UCHL1: variants seen among roughly 807,000 people sequenced by gnomAD.
UCHL1 encodes ubiquitin carboxyl-terminal hydrolase isozyme L1.
A neutral mutation model predicts 33.3 loss-of-function variants in UCHL1; 5 were observed. The ratio of observed to expected loss-of-function variants is 0.15; its 90% CI spans 0.08 to 0.32. The LOEUF (loss-of-function observed/expected upper bound fraction) is 0.32. UCHL1 is among the 10% of genes least tolerant of loss of function. The probability of loss-of-function intolerance (pLI) is 1.00; values close to 1 mark genes in which losing one functional copy is unlikely to be tolerated. For synonymous variants in UCHL1, 132 were observed against 108.8 expected (o/e 1.21, Z -1.33); for missense variants, 236 against 280.0 (o/e 0.84, Z 1.12).
intron 8 of UCHL1, among the ~76,000 whole-genome samples, chr4:41,266,334 G>C (rs146202222): frequency 6.6e-6 from 1 of 151,394 alleles, no homozygotes; most frequent in Admixed American, 6.6e-5. Flanking sequence ...CCTAAGTAAG[G>C]CTGGTTCTAT....
chr4:41,261,624 T>C (rs1223557461), intron 4 of UCHL1, 91 bp from the exon 5 acceptor site: 1 of 1,394,154 alleles, frequency 7.2e-7, no homozygotes, highest in African/African-American at 1.4e-5. Context: ...TTCAGGTTGC[T>C]CAGCATGTTC....
At chr4:41,257,032 C>T (rs1780985544) in intron 1 of UCHL1, 23 bp downstream of exon 1, 7 of 1,614,088 alleles carry the variant, frequency 4.3e-6, no homozygotes, top group East Asian at 2.2e-5. Context: ...TGCACCGCTA[C>T]CCGGAGAGCG....
At chr4:41,260,434 G>C (rs1371814486) in intron 3 of UCHL1, among the ~76,000 whole-genome samples, 7 of 152,200 alleles carry the variant, frequency 4.6e-5, no homozygotes. Flanking sequence ...CACCAGGGTG[G>C]AGTCTCCGAA....
intron 8 of UCHL1, among the ~76,000 whole-genome samples, chr4:41,265,572 C>CT (rs1781138672): frequency 6.7e-6 from 1 of 148,692 alleles, no homozygotes; most frequent in South Asian, 2.2e-4. Flanking sequence ...GAGCAAGACT[C>CT]TGTCTCAGAA....
rs1225040436 is a variant in UCHL1 at position 41,264,142 on chromosome 4, C to T, written c.566C>T (p.Ser189Leu). 24 of 1,614,212 alleles carry T rather than the reference C, an allele frequency of 1.5e-5. No individual in the cohort carries two copies. The highest frequency in any genetic ancestry group is 1.8e-5 in the Non-Finnish European group (21 of 1,180,034). The change falls in exon 8 of 9, where the codon TCA becomes TTA. Residue 189 changes from serine to leucine, a missense_variant. Coordinates refer to ENST00000284440, the MANE Select transcript of UCHL1 (RefSeq NM_004181.5). ...TTTCCGGTGAACCATGGCGCCAGTT[C>T]AGAGGACACCCTGCTGAAGGTCATC... is the stretch of plus-strand genomic sequence containing the variant. ...MPFPVNHGAS[S>L]EDTLLKDAAK...
At chr4:41,266,247 T>TTTA (rs1781152382) in intron 8 of UCHL1, among the ~76,000 whole-genome samples, 6 of 143,604 alleles carry the variant, frequency 4.2e-5, no homozygotes, top group African/African-American at 1.5e-4. Context: ...TTTTTTTTTT[T>TTTA]AACTTTTCTA....
At position 41,265,044 on chromosome 4, in the gene UCHL1, A is replaced by G. The variant is rs540826254; in HGVS notation, c.585+883A>G. Among the ~76,000 whole-genome samples the G allele has an allele frequency of 2.0e-5, 3 of 152,338 alleles. No individual in the cohort carries two copies. In the East Asian group the frequency reaches 5.8e-4, roughly 29 times the overall value. On this transcript the variant is annotated intron_variant, in intron 8 of 8. Coordinates refer to ENST00000284440, the MANE Select transcript of UCHL1 (RefSeq NM_004181.5). ...TTCAGTTCTGCTGTTACAACTCAGC[A>G]GCCCATAGACACTCTCTAAATGAAT...
intron 8 of UCHL1, 73 bp downstream of exon 8, chr4:41,264,234 A>G: frequency 6.3e-7 from 1 of 1,586,092 alleles, no homozygotes; most frequent in Non-Finnish European, 8.7e-7. Context: ...CTAAAGTGCT[A>G]ACACTCTTCC....
chr4:41,260,838 T>C, intron 4 of UCHL1, 41 bp downstream of exon 4: 3 of 1,613,918 alleles, frequency 1.9e-6, no homozygotes, highest in Middle Eastern at 1.7e-4. Flanking sequence ...AAGCTTGAAC[T>C]TGAAACATGG....
At chr4:41,257,849 C>A in intron 3 of UCHL1, 112 bp downstream of exon 3, 1 of 1,429,008 alleles carries the variant, frequency 7.0e-7, no homozygotes, top group Non-Finnish European at 9.2e-7. Context: ...ATGCGGGGCG[C>A]GCCTACAAGG....
At chr4:41,265,836 G>T (rs1311622260) in intron 8 of UCHL1, among the ~76,000 whole-genome samples, 1 of 152,192 alleles carries the variant, frequency 6.6e-6, no homozygotes, top group Non-Finnish European at 1.5e-5. Flanking sequence ...ATGGAATGAA[G>T]AATAGACCTG....
rs190109821 is a variant in UCHL1, at chr4:41,264,065, T to C, written c.527-38T>C. 1,362 of 1,614,068 alleles carry C rather than the reference T, an allele frequency of 8.4e-4. 1 individual carries two copies. Among genetic ancestry groups the C allele is most frequent in the Non-Finnish European group, 1.1e-3 (1,298 of 1,179,906 alleles). ...AGGTAAGCACGGTAGCCAGAAAACA[T>C]GCAGAGAAAATTGACATGCCTGGCT... On this transcript the variant is annotated intron_variant, in intron 7 of 8. Transcript: ENST00000284440.
At chr4:41,260,606 A>G in intron 3 of UCHL1, 41 bp from the exon 4 acceptor site, 2 of 1,611,458 alleles carry the variant, frequency 1.2e-6, no homozygotes, top group Non-Finnish European at 1.7e-6. Flanking sequence ...TGTTCTTTGC[A>G]CTTTCATTCT....
At position 41,268,188 on chromosome 4, in the gene UCHL1, T is replaced by TA. The variant is rs1781184899; in HGVS notation, c.*115_*116insA. 1 of 1,025,880 alleles carries TA rather than the reference T, an allele frequency of 9.7e-7. No homozygotes were observed. Among genetic ancestry groups the TA allele is most frequent in the Non-Finnish European group, 1.5e-6 (1 of 675,954 alleles). 63.5% of individuals were successfully genotyped at this position (1,025,880 alleles called of 1,614,324 possible). ...TTGTGAAACACAGCTGTTCTTCTGT[T>TA]CTGCAGACACGCCTTCCCCTCAGCC... is the stretch of plus-strand genomic sequence containing the variant. On this transcript the variant is annotated 3_prime_UTR_variant, in exon 9 of 9. Coordinates refer to ENST00000284440, the MANE Select transcript of UCHL1 (RefSeq NM_004181.5).
At chr4:41,266,424 A>G (rs1293125167) in intron 8 of UCHL1, among the ~76,000 whole-genome samples, 3 of 152,142 alleles carry the variant, frequency 2.0e-5, no homozygotes, top group Non-Finnish European at 4.4e-5. Flanking sequence ...CTTAACCCAA[A>G]TATCTTAAGC....
rs955125199 is a variant in UCHL1, at chr4:41,263,033, T to C, written c.460-192T>C. ...AAATCCTGTAGTAATAGCATCCTCA[T>C]AGAGTTGTTCTGACAGTTAACAGTA... is the stretch of plus-strand genomic sequence containing the variant. On this transcript the variant is annotated intron_variant, in intron 6 of 8. Coordinates refer to ENST00000284440, the MANE Select transcript of UCHL1 (RefSeq NM_004181.5). Among the ~76,000 whole-genome samples the C allele has an allele frequency of 2.6e-4, 39 of 152,190 alleles. 1 individual carries two copies. The highest frequency in any genetic ancestry group is 1.3e-3 in the Admixed American group (20 of 15,282).
At chr4:41,266,902 C>T (rs1781163393) in intron 8 of UCHL1, among the ~76,000 whole-genome samples, 1 of 152,062 alleles carries the variant, frequency 6.6e-6, no homozygotes, top group African/African-American at 2.4e-5. Flanking sequence ...TGTGTCTGGC[C>T]CAAACTCATT....
In UCHL1 at chr4:41,260,636, T is replaced by C; in HGVS notation, c.175-11T>C. The C allele has an allele frequency of 1.2e-6, 2 of 1,614,182 alleles. No individual in the cohort carries two copies. The highest frequency in any genetic ancestry group is 2.2e-5 in the South Asian group (2 of 91,074). On this transcript the variant is annotated splice_polypyrimidine_tract_variant and intron_variant, in intron 3 of 8. Coordinates refer to ENST00000284440, the MANE Select transcript of UCHL1 (RefSeq NM_004181.5). ...CATTCTGAGATGTAAAAACGCTTTT[T>C]ACATTCGCAGCATGAGAACTTCAGG...
Sources: allele counts gnomAD v4.1 joint callset (sites outside exome capture counted in the v4.1 genomes callset), GRCh38; gene constraint gnomAD v4.1.1; transcripts MANE v1.5; gene names NCBI Gene and HGNC (gene_info 2026-07-23, HGNC 2026-07-21).